CTU2: variants seen among roughly 807,000 people sequenced by gnomAD.
The protein encoded by CTU2 is cytosolic thiouridylase subunit 2, also known as cytoplasmic tRNA 2-thiolation protein 2.
A neutral mutation model predicts 64.1 loss-of-function variants in CTU2; 80 were observed. The observed-to-expected ratio is 1.25, with a 90% CI of 1.04 to 1.50. CTU2 has a LOEUF of 1.50. CTU2 is among the 40% of genes most tolerant of loss of function. The probability of loss-of-function intolerance (pLI) is 0.00; values close to 1 mark genes in which losing one functional copy is unlikely to be tolerated. For synonymous variants in CTU2, 482 were observed against 285.3 expected, an observed-to-expected ratio of 1.69 and a Z score of -6.95; for missense variants, 1,110 against 690.2, an observed-to-expected ratio of 1.61 and a Z score of -6.81.
intron 4 of CTU2, 195 bp downstream of exon 4, chr16:88,710,477 C>T (rs1444724431): frequency 4.6e-5 from 27 of 584,716 alleles, no homozygotes; most frequent in South Asian, 3.4e-4. Flanking sequence ...TGTGTGTGTG[C>T]GGCCCACTCT....
chr16:88,708,002 C>T (rs534776579), intron 2 of CTU2, among the ~76,000 whole-genome samples: 5 of 152,212 alleles, frequency 3.3e-5, no homozygotes, highest in Non-Finnish European at 7.4e-5. Flanking sequence ...TTAGTAGAGA[C>T]AGGGTTTCAC....
In CTU2 at chr16:88,713,733, C is replaced by A; in HGVS notation, c.960C>A (p.Arg320=). 2 of 1,612,722 alleles carry A rather than the reference C, an allele frequency of 1.2e-6. No homozygotes were observed. Among genetic ancestry groups the A allele is most frequent in the Non-Finnish European group, 1.7e-6 (2 of 1,179,902 alleles). Residue 320 remains arginine (R), a synonymous_variant, in exon 9 of 15, where the codon CGC becomes CGA. Coordinates refer to ENST00000453996, the MANE Select transcript of CTU2 (RefSeq NM_001012759.3). The stretch of plus-strand genomic sequence containing the variant: ...TGAAGGAGGTCGCTTTCTACAACCG[C>A]CTGTTCTCCGTTCCTTCTGTCTTCA... ...HTLKEVAFYN[R]LFSVPSVFTP... is the part of the protein sequence containing the mutation.
rs1910850007 is a variant in CTU2 at position 88,706,578 on chromosome 16, G to A, written c.48G>A (p.Pro16=). The A allele has an allele frequency of 2.1e-6, 3 of 1,453,566 alleles. No individual in the cohort carries two copies. Among genetic ancestry groups the A allele is most frequent in the Non-Finnish European group, 1.8e-6 (2 of 1,109,856 alleles). 90.0% of individuals were successfully genotyped at this position (1,453,566 alleles called of 1,614,324 possible). A position where few individuals can be genotyped will look rare whatever the true frequency, so the allele number is the denominator to read the frequency against. ...EDYGEPAPEE[P]PPAPRPSREQ... is the part of the protein sequence containing the mutation. ...ACGGGGAGCCGGCGCCTGAGGAGCC[G>A]CCCCCGGCGCCGCGGCCCAGGTAAG... Residue 16 remains proline, a synonymous_variant, in exon 1 of 15, where the codon CCG becomes CCA. Transcript: ENST00000453996.
In CTU2 at chr16:88,714,610, C is replaced by G. The variant is rs781019829; in HGVS notation, c.1225C>G (p.Gln409Glu). The change falls in exon 12 of 15, where the codon CAG becomes GAG. Residue 409 changes from glutamine (Q) to glutamate (E), a missense_variant. Transcript: ENST00000453996. ...AGACAGTGCCACGGCTTTTGGGGCTCAGACCTCCTCGCGTCTCTCCCAGAT... is the reference window on the plus strand; with the variant it reads ...AGACAGTGCCACGGCTTTTGGGGCTGAGACCTCCTCGCGTCTCTCCCAGAT... Reference protein sequence around the residue: ...AADSATAFGAQTSSRLSQMQS... With the variant: ...AADSATAFGAETSSRLSQMQS... 9 of 1,612,522 alleles carry G rather than the reference C, an allele frequency of 5.6e-6. No homozygotes were observed. Among genetic ancestry groups the G allele is most frequent in the Middle Eastern group, 1.6e-4 (1 of 6,082 alleles).
rs750575594 is a variant in CTU2 at position 88,714,714 on chromosome 16, C to T, written c.1329C>T (p.Arg443=). 104 of 1,609,632 alleles carry T rather than the reference C, an allele frequency of 6.5e-5. 2 individuals are homozygous for T. In the South Asian group the frequency reaches 1.1e-3, roughly 17 times the overall value. The change falls in exon 12 of 15, where the codon CGC becomes CGT. Residue 443 remains arginine (R), a synonymous_variant. Coordinates refer to ENST00000453996, the MANE Select transcript of CTU2 (RefSeq NM_001012759.3). ...CCSPGVGWAQ[R]CGQGACRRED... is the part of the protein sequence containing the mutation. Reference sequence around the variant, plus strand: ...CTCCAGGGGTGGGCTGGGCCCAGCGCTGTGGCCAGGGGGCCTGCAGGAGGT... The same window carrying T: ...CTCCAGGGGTGGGCTGGGCCCAGCGTTGTGGCCAGGGGGCCTGCAGGAGGT...
At chr16:88,706,719 C>A in intron 1 of CTU2, 121 bp downstream of exon 1, 1 of 703,536 alleles carries the variant, frequency 1.4e-6, no homozygotes, top group Non-Finnish European at 2.1e-6. Flanking sequence ...ACCTCGCTCC[C>A]TAGCACTCGG....
chr16:88,710,537 G>C (rs576169018), intron 4 of CTU2: 1 of 525,294 alleles, frequency 1.9e-6, no homozygotes, highest in Non-Finnish European at 3.4e-6. Context: ...TCCACAGCGC[G>C]TGTGTGCGGC....
chr16:88,706,892 T>A, intron 1 of CTU2: 1 of 574,298 alleles, frequency 1.7e-6, no homozygotes. Flanking sequence ...CGTGTCAGCC[T>A]TGGGAGACTG....
chr16:88,709,835 A>G, intron 2 of CTU2, 103 bp from the exon 3 acceptor site: 1 of 964,340 alleles, frequency 1.0e-6, no homozygotes, highest in Non-Finnish European at 1.6e-6. Flanking sequence ...TGCTGCTTTT[A>G]AAGATGGAGA....
rs562321109 is a variant in CTU2 at position 88,713,337 on chromosome 16, C to A, written c.763C>A (p.Arg255=). 4 of 1,598,594 alleles carry A rather than the reference C, an allele frequency of 2.5e-6. No individual in the cohort carries two copies. Among genetic ancestry groups the A allele is most frequent in the Non-Finnish European group, 3.4e-6 (4 of 1,173,898 alleles). ...LRTHLILHMA[R]AHGYSKVMTG... ...GACCCACCTGATCCTCCACATGGCC[C>A]GAGCCCACGGCTACTCCAAGGTCAT... The change falls in exon 8 of 15, where the codon CGA becomes AGA. Residue 255 remains arginine (R), a synonymous_variant. Coordinates refer to ENST00000453996, the MANE Select transcript of CTU2 (RefSeq NM_001012759.3).
chr16:88,709,953 C>T lies in CTU2; in HGVS notation c.159C>T (p.Ala53=). The T allele has an allele frequency of 6.2e-7, 1 of 1,613,980 alleles. No individual in the cohort carries two copies. Among genetic ancestry groups the T allele is most frequent in the Non-Finnish European group, 8.5e-7 (1 of 1,179,998 alleles). The change falls in exon 3 of 15, where the codon GCC becomes GCT. Residue 53 remains alanine, a synonymous_variant. Transcript: ENST00000453996. ...TGTGTTGCAGGGACTGTTTCAAGGC[C>T]TTCTACGTCCACAAGTTCAGAGCCA... ...GDAFCRDCFK[A]FYVHKFRAML...
Position 88,714,588 on chromosome 16 carries a change from C to T in CTU2, c.1203C>T (p.Asp401=), listed in dbSNP as rs374615133. The change falls in exon 12 of 15, where the codon GAC becomes GAT. Residue 401 remains aspartate (D), a splice_region_variant and synonymous_variant. Coordinates refer to ENST00000453996, the MANE Select transcript of CTU2 (RefSeq NM_001012759.3). ...CMCALDVDAA[D]SATAFGAQTS... ...CCGTCACCCCCTCTCTGCTTGCAGA[C>T]AGTGCCACGGCTTTTGGGGCTCAGA... 12 of 1,612,680 alleles carry T rather than the reference C, an allele frequency of 7.4e-6. No individual in the cohort carries two copies. The highest frequency in any genetic ancestry group is 1.7e-5 in the Admixed American group (1 of 60,016).
At chr16:88,714,781 G>C in intron 12 of CTU2, 44 bp downstream of exon 12, 1 of 1,607,302 alleles carries the variant, frequency 6.2e-7, no homozygotes, top group East Asian at 2.2e-5. Flanking sequence ...GCATGGGGCG[G>C]GAGGGGGACC....
At position 88,714,834 on chromosome 16, in the gene CTU2, G is replaced by A. The variant is rs114000824; in HGVS notation, c.1353-26G>A. Reference sequence around the variant, plus strand: ...GCACGGCATTGAGGTGCCAAGGTGGGCACACAGCCAGCTCTGCTCCCGCAG... The same window carrying A: ...GCACGGCATTGAGGTGCCAAGGTGGACACACAGCCAGCTCTGCTCCCGCAG... On this transcript the variant is annotated intron_variant, in intron 12 of 14. Transcript: ENST00000453996. 1,298 of 1,612,338 alleles carry A rather than the reference G, an allele frequency of 8.1e-4. 12 individuals carry two copies. In the African/African-American group the frequency reaches 0.014, roughly 18 times the overall value.
rs1911342521 is a variant in CTU2 at position 88,711,775 on chromosome 16, C to T, written c.343+80C>T. The T allele has an allele frequency of 3.8e-6, 5 of 1,325,430 alleles. No individual in the cohort carries two copies. In the South Asian group the frequency reaches 5.4e-5, roughly 14 times the overall value. The allele number at this position is 1,325,430 out of a possible 1,614,324, so 82.1% of individuals were successfully genotyped here. A position where few individuals can be genotyped will look rare whatever the true frequency, so the allele number is the denominator to read the frequency against. ...GATCCTCCCTCTGGTGTGGACCCTC[C>T]CTCTGGTGCCGGTCCTCCCTCTGGT... is the stretch of plus-strand genomic sequence containing the variant. On this transcript the variant is annotated intron_variant, in intron 5 of 14. Coordinates refer to ENST00000453996, the MANE Select transcript of CTU2 (RefSeq NM_001012759.3).
Position 88,706,708 on chromosome 16 carries a change from G to C in CTU2, c.68+110G>C, listed in dbSNP as rs1910869680. 5.1e-6 allele frequency: 4 copies of C among 788,834 alleles called. No homozygotes were observed. The Admixed American group carries it at 1.6e-4, about 32-fold the overall frequency. The allele number at this position is 788,834 out of a possible 1,614,324, so 48.9% of individuals were successfully genotyped here. ...CCGGGAAGCCCCGCGTGGAGAGCGGGACCTCGCTCCCTAGCACTCGGGGAA... is the reference window on the plus strand; with the variant it reads ...CCGGGAAGCCCCGCGTGGAGAGCGGCACCTCGCTCCCTAGCACTCGGGGAA... On this transcript the variant is annotated intron_variant, in intron 1 of 14. Transcript: ENST00000453996.
chr16:88,714,462 T>C lies in CTU2; in HGVS notation c.1177T>C (p.Cys393Arg). The part of the protein sequence containing the change: ...DSGPRCLLCM[C>R]ALDVDAADSA... ...CGGCCCCCGCTGCCTCCTCTGCATGTGTGCCCTGGACGTCGACGCCGCTGG... is the reference window on the plus strand; with the variant it reads ...CGGCCCCCGCTGCCTCCTCTGCATGCGTGCCCTGGACGTCGACGCCGCTGG... Residue 393 changes from cysteine (C) to arginine (R), a missense_variant, in exon 11 of 15, where the codon TGT becomes CGT. Physicochemically the swap from Cys to Arg is radical, Grantham distance 180 (BLOSUM62 -3). Coordinates refer to ENST00000453996, the MANE Select transcript of CTU2 (RefSeq NM_001012759.3). The C allele has an allele frequency of 1.9e-6, 3 of 1,612,538 alleles. No individual in the cohort carries two copies. Among genetic ancestry groups the C allele is most frequent in the Non-Finnish European group, 1.7e-6 (2 of 1,179,832 alleles).
chr16:88,715,329 G>A lies in CTU2; in HGVS notation c.*78G>A, dbSNP rs1337710476. The A allele has an allele frequency of 2.4e-5, 35 of 1,447,298 alleles. No homozygotes were observed. In the East Asian group the frequency reaches 8.0e-4, roughly 33 times the overall value. The allele number at this position is 1,447,298 out of a possible 1,614,324, so 89.7% of individuals were successfully genotyped here. ...ACTGGAGCCGGAAGGCAAGGACGGG[G>A]GACTGGCCTCTGATTGTCCATTTGT... On this transcript the variant is annotated 3_prime_UTR_variant, in exon 15 of 15. Transcript: ENST00000453996.
At position 88,712,788 on chromosome 16, in the gene CTU2, C is replaced by G; in HGVS notation, c.620C>G (p.Pro207Arg). ...GGGGAGGAACAGCCACCCCAGCCCC[C>G]GCTGGACCCCCAGAACCTGGCAAGA... ...TQGEEQPPQP[P>R]LDPQNLARPP... Residue 207 changes from proline (P) to arginine (R), a missense_variant, in exon 7 of 15, where the codon CCG becomes CGG. Transcript: ENST00000453996. The G allele has an allele frequency of 6.2e-7, 1 of 1,607,942 alleles. No individual in the cohort carries two copies. The highest frequency in any genetic ancestry group is 1.1e-5 in the South Asian group (1 of 90,652).
Sources: allele counts gnomAD v4.1 joint callset (sites outside exome capture counted in the v4.1 genomes callset), GRCh38; gene constraint gnomAD v4.1.1; transcripts MANE v1.5; gene names NCBI Gene and HGNC (gene_info 2026-07-23, HGNC 2026-07-21).